The following FBXL2 variants were observed in gnomAD, a reference collection of about 807,000 sequenced individuals.
FBXL2 encodes F-box and leucine rich repeat protein 2.
Under a neutral mutation model 69.2 loss-of-function variants are expected in FBXL2, and 38 were observed. The observed-to-expected ratio is 0.55, with a 90% confidence interval of 0.42 to 0.72. FBXL2 has a LOEUF of 0.72. FBXL2 is among the 30% of genes least tolerant of loss of function. The pLI, the probability that FBXL2 is intolerant of heterozygous loss-of-function variation, is 0.00. For missense variants in FBXL2, 354 were observed against 520.3 expected, an observed-to-expected ratio of 0.68 and a Z score of 3.11; for synonymous variants, 192 against 201.3, an observed-to-expected ratio of 0.95 and a Z score of 0.39.
At chr3:33,335,259 A>G (rs2039490646) in intron 2 of FBXL2, among the ~76,000 whole-genome samples, 1 of 152,146 alleles carries the variant, frequency 6.6e-6, no homozygotes, top group African/African-American at 2.4e-5. Flanking sequence ...TTCCACAACT[A>G]AGAAATACTA....
chr3:33,291,778 A>T (rs1258150718), intron 1 of FBXL2, among the ~76,000 whole-genome samples: 4 of 152,220 alleles, frequency 2.6e-5, no homozygotes, highest in Non-Finnish European at 5.9e-5. Context: ...AACAAAGAAG[A>T]GAAGCAAATG....
intron 12 of FBXL2, chr3:33,397,162 C>G (rs1247977201): frequency 2.0e-6 from 3 of 1,526,546 alleles, no homozygotes; most frequent in Non-Finnish European, 2.7e-6. Context: ...ATATTTTTCT[C>G]AAATAAATGG....
At chr3:33,319,614 C>A (rs1415486672) in intron 2 of FBXL2, among the ~76,000 whole-genome samples, 3 of 152,228 alleles carry the variant, frequency 2.0e-5, no homozygotes, top group Admixed American at 2.0e-4. Flanking sequence ...TTAAGTGGTT[C>A]TCTTAAATGT....
chr3:33,296,889 T>C (rs938316357), intron 1 of FBXL2, among the ~76,000 whole-genome samples: 1 of 152,310 alleles, frequency 6.6e-6, no homozygotes, highest in Admixed American at 6.5e-5. Context: ...CCTTGCATTT[T>C]CATATGAATT....
In FBXL2 at chr3:33,386,967, T is replaced by C. The variant is rs188412656; in HGVS notation, c.*1359T>C. On this transcript the variant is annotated 3_prime_UTR_variant, in exon 15 of 15. Transcript: ENST00000484457. ...TTCCCATGACTACCAATACCTTTAT[T>C]AGGCAGTTTTAGAAGTGTTTTTAAG... is the stretch of plus-strand genomic sequence containing the variant. The C allele has an allele frequency of 9.9e-5, 15 of 152,276 alleles. No individual in the cohort carries two copies. The highest frequency in any genetic ancestry group is 2.6e-4 in the Admixed American group (4 of 15,298). 9.4% of individuals were successfully genotyped at this position (152,276 alleles called of 1,614,324 possible). A position where few individuals can be genotyped will look rare whatever the true frequency, so the allele number is the denominator to read the frequency against.
chr3:33,347,215 A>G (rs1392440697), intron 2 of FBXL2, among the ~76,000 whole-genome samples: 1 of 152,178 alleles, frequency 6.6e-6, no homozygotes, highest in Non-Finnish European at 1.5e-5. Flanking sequence ...AAGTGAGAAC[A>G]TGTGAAGTTT....
chr3:33,302,568 A>G (rs1291535910), intron 2 of FBXL2, among the ~76,000 whole-genome samples: 2 of 152,230 alleles, frequency 1.3e-5, no homozygotes, highest in African/African-American at 4.8e-5. Context: ...GGAGACAGCA[A>G]GTGATACCTG....
chr3:33,414,986 A>AT, the FBXL2 span, among the ~76,000 whole-genome samples: 1 of 152,078 alleles, frequency 6.6e-6, no homozygotes, highest in African/African-American at 2.4e-5. Context: ...ATGAGGTGTC[A>AT]TTTTTCCCTT....
chr3:33,285,027 T>G (rs2034455143), intron 1 of FBXL2, among the ~76,000 whole-genome samples: 2 of 152,208 alleles, frequency 1.3e-5, no homozygotes, highest in South Asian at 2.1e-4. Context: ...ATTGGATCAT[T>G]TAGCCCATTT....
At chr3:33,383,880 G>A (rs914696123) in intron 13 of FBXL2, 109 bp from the exon 14 acceptor site, 18 of 926,624 alleles carry the variant, frequency 1.9e-5, no homozygotes, top group Non-Finnish European at 2.6e-5. Flanking sequence ...CATTCTTGCT[G>A]TGTCATCCCA....
At chr3:33,370,905 G>A (rs998783902) in intron 5 of FBXL2, among the ~76,000 whole-genome samples, 10 of 152,024 alleles carry the variant, frequency 6.6e-5, no homozygotes, top group South Asian at 4.2e-4. Context: ...ATAAAGTTTG[G>A]GGAAAATTTT....
At chr3:33,394,654 G>A (rs1424001064) in intron 12 of FBXL2, among the ~76,000 whole-genome samples, 2 of 152,058 alleles carry the variant, frequency 1.3e-5, no homozygotes, top group African/African-American at 4.8e-5. Flanking sequence ...TATCATTACT[G>A]AGAACTTTGC....
chr3:33,279,390 C>A (rs541577818), intron 1 of FBXL2, among the ~76,000 whole-genome samples: 1 of 152,266 alleles, frequency 6.6e-6, no homozygotes, highest in African/African-American at 2.4e-5. Flanking sequence ...CCTGCCTCAG[C>A]CTCCCGAGTA....
the FBXL2 span, among the ~76,000 whole-genome samples, chr3:33,413,620 C>T: frequency 5.3e-5 from 8 of 151,550 alleles, no homozygotes; most frequent in South Asian, 1.0e-3. Flanking sequence ...AAACACTGCC[C>T]GCTGCCTTGA....
At chr3:33,337,002 C>T (rs902385565) in intron 2 of FBXL2, among the ~76,000 whole-genome samples, 10 of 151,902 alleles carry the variant, frequency 6.6e-5, no homozygotes, top group South Asian at 4.1e-4. Context: ...CTCAGGAGTT[C>T]GAGACCAGCC....
chr3:33,359,048 CAATA>C, intron 3 of FBXL2, 27 bp downstream of exon 3: 5 of 1,431,234 alleles, frequency 3.5e-6, no homozygotes, highest in South Asian at 1.5e-5. Flanking sequence ...ATTTTTTAAT[CAATA>C]AATATCAAGT....
intron 2 of FBXL2, among the ~76,000 whole-genome samples, chr3:33,328,450 C>A (rs1328124124): frequency 6.6e-6 from 1 of 152,096 alleles, no homozygotes; most frequent in Non-Finnish European, 1.5e-5. Context: ...TCAAAATGTA[C>A]TACAGAGCTA....
intron 2 of FBXL2, among the ~76,000 whole-genome samples, chr3:33,351,181 G>T (rs773793620): frequency 6.6e-6 from 1 of 151,966 alleles, no homozygotes; most frequent in Admixed American, 6.6e-5. Context: ...CAGGAGAATC[G>T]CTTGAACCGG....
At chr3:33,343,165 G>A (rs1001840458) in intron 2 of FBXL2, among the ~76,000 whole-genome samples, 1 of 151,800 alleles carries the variant, frequency 6.6e-6, no homozygotes, top group Non-Finnish European at 1.5e-5. Context: ...ATATATGATA[G>A]TTAAAGAACA....
Sources: allele counts gnomAD v4.1 joint callset (sites outside exome capture counted in the v4.1 genomes callset), GRCh38; gene constraint gnomAD v4.1.1; transcripts MANE v1.5; gene names NCBI Gene and HGNC (gene_info 2026-07-23, HGNC 2026-07-21).